The following GCNT4 variants were observed in gnomAD, a reference collection of about 807,000 sequenced individuals.
GCNT4 encodes glucosaminyl (N-acetyl) transferase 4.
GCNT4 carries 17 observed loss-of-function variants against 31.3 expected under a neutral mutation model. The ratio of observed to expected loss-of-function variants is 0.54; its 90% confidence interval spans 0.37 to 0.81. The LOEUF (loss-of-function observed/expected upper bound fraction) is 0.81, where lower values mean the gene tolerates loss of function less well. Among genes scored for constraint, GCNT4 ranks in the 40% least tolerant of loss-of-function variants. GCNT4 has a pLI of 0.00. For synonymous variants in GCNT4, 158 were observed against 190.6 expected (o/e 0.83, Z 1.41); for missense variants, 503 against 525.5 (o/e 0.96, Z 0.42).
At chr5:75,053,814 G>A (rs1743648032), upstream of GCNT4, among the ~76,000 whole-genome samples, 1 of 152,180 alleles carries the variant, frequency 6.6e-6, no homozygotes, top group Non-Finnish European at 1.5e-5. Context: ...CGCGCGCGGT[G>A]ATCTCGGCTC....
downstream of GCNT4, among the ~76,000 whole-genome samples, chr5:75,022,134 C>T (rs949257239): frequency 2.0e-5 from 3 of 152,094 alleles, no homozygotes; most frequent in Admixed American, 1.3e-4. Context: ...CGTCTGAACT[C>T]GAGATTTCAC....
In GCNT4 at chr5:75,028,578, G is replaced by T; in HGVS notation, c.*98C>A. On this transcript the variant is annotated 3_prime_UTR_variant, in exon 4 of 4. Coordinates refer to ENST00000652361, the MANE Select transcript of GCNT4 (RefSeq NM_001366737.1). ...ATTTTGGACACCTTTTAAAATATGG[G>T]AGGACTGAGTTTAAACAGTATTGGG... The T allele has an allele frequency of 9.5e-6, 11 of 1,154,672 alleles. No individual in the cohort carries two copies. Among genetic ancestry groups the T allele is most frequent in the South Asian group, 1.6e-5 (1 of 62,688 alleles). 71.5% of individuals were successfully genotyped at this position (1,154,672 alleles called of 1,614,324 possible).
chr5:75,033,657 A>C (rs1041230009), intron 3 of GCNT4, among the ~76,000 whole-genome samples: 5 of 146,670 alleles, frequency 3.4e-5, no homozygotes, highest in African/African-American at 1.3e-4. Flanking sequence ...AAATCCCTTT[A>C]TTTATTTATT....
downstream of GCNT4, among the ~76,000 whole-genome samples, chr5:75,024,211 A>C (rs537618682): frequency 6.6e-6 from 1 of 152,312 alleles, no homozygotes; most frequent in South Asian, 2.1e-4. Flanking sequence ...TGTAGGAATC[A>C]AATCAGTCTT....
intron 3 of GCNT4, among the ~76,000 whole-genome samples, chr5:75,037,229 C>T (rs1385498504): frequency 6.6e-6 from 1 of 152,190 alleles, no homozygotes; most frequent in Non-Finnish European, 1.5e-5. Flanking sequence ...GACTCGCTCA[C>T]TGCCAAGCCC....
intron 1 of GCNT4, 31 bp downstream of exon 1, chr5:75,052,398 A>T (rs113305343): frequency 1.3e-5 from 2 of 152,164 alleles, no homozygotes; most frequent in Admixed American, 1.3e-4. Flanking sequence ...TGAGTCTTTA[A>T]ATTTACAAAA....
rs1474172439 is a variant in GCNT4 at position 75,026,377 on chromosome 5, G to A, written c.*2299C>T. On this transcript the variant is annotated 3_prime_UTR_variant, in exon 4 of 4. Coordinates refer to ENST00000652361, the MANE Select transcript of GCNT4 (RefSeq NM_001366737.1). ...GTAGCCCCATTCTCAATGTGTCACTGTACCAACCTGTAACCCTATTGGCTT... is the reference window on the plus strand; with the variant it reads ...GTAGCCCCATTCTCAATGTGTCACTATACCAACCTGTAACCCTATTGGCTT... The A allele has an allele frequency of 1.3e-5, 2 of 152,096 alleles. No homozygotes were observed. The highest frequency in any genetic ancestry group is 2.4e-5 in the African/African-American group (1 of 41,402). The allele number at this position is 152,096 out of a possible 1,614,324, so 9.4% of individuals were successfully genotyped here.
Position 75,046,832 on chromosome 5 carries a change from G to A in GCNT4, c.-2+1065C>T, listed in dbSNP as rs141240603. On this transcript the variant is annotated intron_variant, in intron 3 of 3. Coordinates refer to ENST00000652361, the MANE Select transcript of GCNT4 (RefSeq NM_001366737.1). ...CTCTGATATTGACTTTTGAGTTAAC[G>A]GCACTTGCAAAATAGCAGGTACAAG... is the stretch of plus-strand genomic sequence containing the variant. 5.3e-5 allele frequency among the ~76,000 whole-genome samples: 8 copies of A among 152,318 alleles called. No individual in the cohort carries two copies. The East Asian group carries it at 5.8e-4, about 11-fold the overall frequency.
chr5:75,044,116 T>C (rs1254925152), intron 3 of GCNT4, among the ~76,000 whole-genome samples: 4 of 152,140 alleles, frequency 2.6e-5, no homozygotes, highest in Non-Finnish European at 5.9e-5. Context: ...ACAGGTCACA[T>C]AATCCCTGAA....
At chr5:75,033,553 T>C (rs1026605763) in intron 3 of GCNT4, among the ~76,000 whole-genome samples, 7 of 152,068 alleles carry the variant, frequency 4.6e-5, no homozygotes, top group Non-Finnish European at 1.0e-4. Context: ...TGTCTTGGGG[T>C]CAGCCTTTGA....
chr5:75,029,162 G>T lies in GCNT4; in HGVS notation c.876C>A (p.Pro292=). ...CAACAAATATCTGAATGTTATGGGGGGGTGCTTCCTTGGAGATGTTTGTCC... is the reference window on the plus strand; with the variant it reads ...CAACAAATATCTGAATGTTATGGGGTGGTGCTTCCTTGGAGATGTTTGTCC... ...PIRTNISKEA[P]PHNIQIFVGS... is the part of the protein sequence containing the mutation. Residue 292 remains proline, a synonymous_variant, in exon 4 of 4, where the codon CCC becomes CCA. Coordinates refer to ENST00000652361, the MANE Select transcript of GCNT4 (RefSeq NM_001366737.1). The T allele has an allele frequency of 1.2e-6, 2 of 1,613,834 alleles. No individual in the cohort carries two copies. Among genetic ancestry groups the T allele is most frequent in the Non-Finnish European group, 1.7e-6 (2 of 1,180,008 alleles).
intron 2 of GCNT4, among the ~76,000 whole-genome samples, chr5:75,049,592 A>C (rs916661221): frequency 3.9e-5 from 6 of 152,254 alleles, no homozygotes; most frequent in Admixed American, 1.3e-4. Context: ...AATGACATGC[A>C]AAGTAATGCA....
At chr5:75,034,705 C>T (rs912342201) in intron 3 of GCNT4, among the ~76,000 whole-genome samples, 1 of 152,198 alleles carries the variant, frequency 6.6e-6, no homozygotes, top group East Asian at 1.9e-4. Flanking sequence ...GATGACAGAA[C>T]TGAAAAAGCT....
At position 75,028,607 on chromosome 5, in the gene GCNT4, A is replaced by G; in HGVS notation, c.*69T>C. 1 of 1,388,680 alleles carries G rather than the reference A, an allele frequency of 7.2e-7. No homozygotes were observed. Among genetic ancestry groups the G allele is most frequent in the Non-Finnish European group, 9.9e-7 (1 of 1,010,460 alleles). 86.0% of individuals were successfully genotyped at this position (1,388,680 alleles called of 1,614,324 possible). A position where few individuals can be genotyped will look rare whatever the true frequency, so the allele number is the denominator to read the frequency against. ...ACTGAGTTTAAACAGTATTGGGCATAGTATGGTATTCAATTCCACACTGAC... is the reference window on the plus strand; with the variant it reads ...ACTGAGTTTAAACAGTATTGGGCATGGTATGGTATTCAATTCCACACTGAC... On this transcript the variant is annotated 3_prime_UTR_variant, in exon 4 of 4. Coordinates refer to ENST00000652361, the MANE Select transcript of GCNT4 (RefSeq NM_001366737.1).
chr5:75,035,713 T>C (rs1285392520), intron 3 of GCNT4, among the ~76,000 whole-genome samples: 1 of 152,192 alleles, frequency 6.6e-6, no homozygotes, highest in Non-Finnish European at 1.5e-5. Flanking sequence ...GACAGAGGTT[T>C]CAAACCTCCC....
chr5:75,018,221 A>C, the GCNT4 span, among the ~76,000 whole-genome samples: 2 of 152,126 alleles, frequency 1.3e-5, no homozygotes, highest in African/African-American at 4.8e-5. Context: ...GAAACTTACA[A>C]CTCAGCATAG....
rs953839588 is a variant in GCNT4, at chr5:75,027,470, G to T, written c.*1206C>A. On this transcript the variant is annotated 3_prime_UTR_variant, in exon 4 of 4. Coordinates refer to ENST00000652361, the MANE Select transcript of GCNT4 (RefSeq NM_001366737.1). Reference sequence around the variant, plus strand: ...ATATATATATATTTTTGACTCATTGGGTGGTTTTCTCAAGTGTGGGTTTTA... The same window carrying T: ...ATATATATATATTTTTGACTCATTGTGTGGTTTTCTCAAGTGTGGGTTTTA... 2 of 145,518 alleles carry T rather than the reference G, an allele frequency of 1.4e-5. No individual in the cohort carries two copies. The highest frequency in any genetic ancestry group is 3.0e-5 in the Non-Finnish European group (2 of 66,772). The allele number at this position is 145,518 out of a possible 1,614,324, so 9.0% of individuals were successfully genotyped here.
the GCNT4 span, among the ~76,000 whole-genome samples, chr5:75,020,144 G>C: frequency 9.2e-5 from 14 of 152,212 alleles, no homozygotes; most frequent in Non-Finnish European, 1.0e-4. Flanking sequence ...AGCGAGTTTA[G>C]GGCACAGGTG....
Position 75,027,337 on chromosome 5 carries a change from A to ATATATATGTATATATAATATATATTTAT in GCNT4, c.*1338_*1339insATAAATATATATTATATATACATATATA, listed in dbSNP as rs1303558307. ...GTATATATAATATATATTCATATACAATATATGTATATATAATATATATAT... is the reference window on the plus strand; with the variant it reads ...GTATATATAATATATATTCATATACATATATATGTATATATAATATATATTTATATATATGTATATATAATATATATAT... On this transcript the variant is annotated 3_prime_UTR_variant, in exon 4 of 4. Transcript: ENST00000652361. 2.1e-5 allele frequency: 1 copy of ATATATATGTATATATAATATATATTTAT among 48,022 alleles called. No individual in the cohort carries two copies. The highest frequency in any genetic ancestry group is 7.6e-5 in the African/African-American group (1 of 13,244). The allele number at this position is 48,022 out of a possible 1,614,324, so 3.0% of individuals were successfully genotyped here.
Sources: allele counts gnomAD v4.1 joint callset (sites outside exome capture counted in the v4.1 genomes callset), GRCh38; gene constraint gnomAD v4.1.1; transcripts MANE v1.5; gene names NCBI Gene and HGNC (gene_info 2026-07-23, HGNC 2026-07-21).